The following MACROD2 variants were observed in gnomAD, a reference collection of about 807,000 sequenced individuals.
MACROD2 encodes mono-ADP ribosylhydrolase 2, also known as ADP-ribose glycohydrolase MACROD2.
MACROD2 carries 36 observed loss-of-function variants against 70.4 expected under a neutral mutation model. The observed-to-expected ratio is 0.51, with a 90% CI of 0.39 to 0.68. The LOEUF (loss-of-function observed/expected upper bound fraction) is 0.68, where lower values mean the gene tolerates loss of function less well. Among genes scored for constraint, MACROD2 ranks in the 30% least tolerant of loss-of-function variants. MACROD2 has a pLI of 0.00. For missense variants in MACROD2, 496 were observed against 538.4 expected (o/e 0.92, Z 0.78); for synonymous variants, 172 against 178.8 (o/e 0.96, Z 0.30).
intron 6 of MACROD2, among the ~76,000 whole-genome samples, chr20:15,297,102 C>T (rs577566640): frequency 3.3e-5 from 5 of 152,164 alleles, no homozygotes; most frequent in Non-Finnish European, 7.3e-5. Flanking sequence ...TTTCTGCTTT[C>T]GTCCTCTGCT....
At chr20:15,961,088 G>A (rs1338946768) in intron 12 of MACROD2, among the ~76,000 whole-genome samples, 4 of 152,076 alleles carry the variant, frequency 2.6e-5, no homozygotes, top group Admixed American at 6.6e-5. Flanking sequence ...AATAGCATGC[G>A]GTAGAGCCAC....
intron 8 of MACROD2, among the ~76,000 whole-genome samples, chr20:15,618,947 A>T (rs958126368): frequency 1.3e-5 from 2 of 152,174 alleles, no homozygotes; most frequent in Admixed American, 6.5e-5. Context: ...AAGGCCAGTG[A>T]GTCAAGAGTG....
intron 8 of MACROD2, among the ~76,000 whole-genome samples, chr20:15,861,921 T>TTAAAACATAA (rs2064429959): frequency 6.6e-6 from 1 of 152,216 alleles, no homozygotes. Context: ...TTTTATGTTG[T>TTAAAACATAA]TAAAACAAAA....
At chr20:15,219,125 C>A (rs899285972) in intron 5 of MACROD2, among the ~76,000 whole-genome samples, 3 of 152,156 alleles carry the variant, frequency 2.0e-5, no homozygotes, top group African/African-American at 7.2e-5. Flanking sequence ...ACAAATGATT[C>A]TCCCTATGGA....
At chr20:15,062,825 T>G (rs1405467180) in intron 5 of MACROD2, among the ~76,000 whole-genome samples, 5 of 152,074 alleles carry the variant, frequency 3.3e-5, no homozygotes, top group African/African-American at 1.2e-4. Flanking sequence ...CCTGCAGAGT[T>G]TTGAAGCAGG....
At chr20:14,516,847 A>G (rs1248788382) in intron 4 of MACROD2, among the ~76,000 whole-genome samples, 4 of 152,216 alleles carry the variant, frequency 2.6e-5, no homozygotes, top group Non-Finnish European at 4.4e-5. Flanking sequence ...ATTTACAAGA[A>G]AAAAAGAACC....
intron 6 of MACROD2, among the ~76,000 whole-genome samples, chr20:15,277,931 G>A (rs1026689497): frequency 3.3e-5 from 5 of 152,180 alleles, no homozygotes; most frequent in Non-Finnish European, 7.3e-5. Context: ...CCTCTGTGGT[G>A]ATGAATTAGA....
At chr20:14,672,313 G>A (rs1286859562) in intron 4 of MACROD2, among the ~76,000 whole-genome samples, 1 of 152,156 alleles carries the variant, frequency 6.6e-6, no homozygotes, top group African/African-American at 2.4e-5. Flanking sequence ...TAGCTGATCT[G>A]GACTAGTTCA....
intron 5 of MACROD2, among the ~76,000 whole-genome samples, chr20:14,965,682 A>G (rs1476651711): frequency 6.7e-6 from 1 of 149,646 alleles, no homozygotes; most frequent in Non-Finnish European, 1.5e-5. Context: ...GTTAGCCAGG[A>G]TGGTCTCGAT....
intron 7 of MACROD2, among the ~76,000 whole-genome samples, chr20:15,431,967 T>G (rs2046368728): frequency 6.6e-6 from 1 of 152,082 alleles, no homozygotes; most frequent in Admixed American, 6.6e-5. Flanking sequence ...AGTGAATGCC[T>G]CACTTACAGA....
intron 8 of MACROD2, among the ~76,000 whole-genome samples, chr20:15,615,135 A>G (rs2049020392): frequency 6.6e-6 from 1 of 152,132 alleles, no homozygotes; most frequent in African/African-American, 2.4e-5. Flanking sequence ...ACAGCACCCA[A>G]TCTGCACCAA....
intron 3 of MACROD2, among the ~76,000 whole-genome samples, chr20:14,218,676 G>C (rs6131561): frequency 6.6e-6 from 1 of 152,258 alleles, no homozygotes; most frequent in East Asian, 1.9e-4. Flanking sequence ...ATGTTTCCAG[G>C]ATTTGTTTCA....
At chr20:14,148,665 A>G (rs2054972308) in intron 3 of MACROD2, among the ~76,000 whole-genome samples, 1 of 152,188 alleles carries the variant, frequency 6.6e-6, no homozygotes, top group Admixed American at 6.5e-5. Context: ...ATCTTTGGTG[A>G]GAAGGGTGTT....
At chr20:14,036,494 A>T (rs1212549528) in intron 2 of MACROD2, among the ~76,000 whole-genome samples, 1 of 152,178 alleles carries the variant, frequency 6.6e-6, no homozygotes, top group African/African-American at 2.4e-5. Flanking sequence ...TTTTCTGAAG[A>T]GAGATGTTAT....
intron 5 of MACROD2, among the ~76,000 whole-genome samples, chr20:15,152,714 C>A (rs1386335612): frequency 6.6e-6 from 1 of 151,926 alleles, no homozygotes; most frequent in Non-Finnish European, 1.5e-5. Flanking sequence ...GGTGAAGGAC[C>A]AAAGCAGGCG....
intron 3 of MACROD2, among the ~76,000 whole-genome samples, chr20:14,320,874 C>T (rs1261019657): frequency 1.3e-5 from 2 of 152,026 alleles, no homozygotes; most frequent in Non-Finnish European, 2.9e-5. Flanking sequence ...TTCTTCATAA[C>T]CAGTATGTGC....
At chr20:15,706,246 T>G (rs1415534744) in intron 8 of MACROD2, among the ~76,000 whole-genome samples, 2 of 152,222 alleles carry the variant, frequency 1.3e-5, no homozygotes, top group Non-Finnish European at 2.9e-5. Context: ...GACCTCTCCT[T>G]TAAGCTCTGC....
chr20:14,590,036 A>T lies in MACROD2; in HGVS notation c.302-94807A>T, dbSNP rs1248156468. Among the ~76,000 whole-genome samples, 3 of 152,178 alleles carry T rather than the reference A, an allele frequency of 2.0e-5. No homozygotes were observed. In the East Asian group the frequency reaches 5.8e-4, roughly 29 times the overall value. ...GGGGTTAGAATTTAAAACTGTGGAT[A>T]TTAGACAGTTTTTTCTCTCTCTAGC... On this transcript the variant is annotated intron_variant, in intron 4 of 17. Coordinates refer to ENST00000684519, the MANE Select transcript of MACROD2 (RefSeq NM_001351661.2).
intron 6 of MACROD2, among the ~76,000 whole-genome samples, chr20:15,384,069 C>A (rs778475370): frequency 6.6e-6 from 1 of 152,078 alleles, no homozygotes; most frequent in Non-Finnish European, 1.5e-5. Flanking sequence ...CTTTTAGTCA[C>A]ACTTGGAATG....
Sources: allele counts gnomAD v4.1 joint callset (sites outside exome capture counted in the v4.1 genomes callset), GRCh38; gene constraint gnomAD v4.1.1; transcripts MANE v1.5; gene names NCBI Gene and HGNC (gene_info 2026-07-23, HGNC 2026-07-21).